DERA: variants seen among roughly 807,000 people sequenced by gnomAD.
DERA encodes the protein 2-deoxy-D-ribose 5-phosphate aldolase.
Under a neutral mutation model 41.1 loss-of-function variants are expected in DERA, and 15 were observed. The observed-to-expected ratio is 0.37, with a 90% CI of 0.24 to 0.56. The LOEUF is 0.56. Among genes scored for constraint, DERA ranks in the 20% least tolerant of loss-of-function variants. The pLI is 0.81. For synonymous variants in DERA, 139 were observed against 137.4 expected (o/e 1.01, Z -0.08); for missense variants, 396 against 403.4 (o/e 0.98, Z 0.16).
intron 7 of DERA, 168 bp downstream of exon 7, chr12:16,032,822 A>C (rs958983689): frequency 6.9e-6 from 4 of 577,612 alleles, no homozygotes; most frequent in Admixed American, 3.3e-5. Flanking sequence ...TGATGGAGAA[A>C]AATTGTGATG....
chr12:15,968,896 G>A (rs1948641747), intron 5 of DERA, among the ~76,000 whole-genome samples: 1 of 152,064 alleles, frequency 6.6e-6, no homozygotes, highest in South Asian at 2.1e-4. Context: ...CTAAAGATTT[G>A]GGTTTTAGTC....
intron 1 of DERA, among the ~76,000 whole-genome samples, chr12:15,942,614 A>G (rs74649150): frequency 0.013 from 1,939 of 152,290 alleles, 53 homozygotes; most frequent in African/African-American, 0.045. Context: ...TATTGAATAG[A>G]GTAGCCACGA....
In DERA at chr12:16,021,585, G is replaced by A. The variant is rs1016034524; in HGVS notation, c.638-10957G>A. Among the ~76,000 whole-genome samples, 6 of 152,198 alleles carry A rather than the reference G, an allele frequency of 3.9e-5. No homozygotes were observed. The highest frequency in any genetic ancestry group is 1.4e-4 in the African/African-American group (6 of 41,446). On this transcript the variant is annotated intron_variant, in intron 6 of 8. Coordinates refer to ENST00000428559, the MANE Select transcript of DERA (RefSeq NM_015954.4). This position sits in a 1 kb window ranked among gnomAD's most constrained non-coding sequence, Gnocchi z 5.3. ...TGGGGCTGCCACTCTCCAGACCCCA[G>A]AATGGTAGAGCCACCAGCAGTTTGC...
intron 1 of DERA, among the ~76,000 whole-genome samples, chr12:15,929,297 T>C (rs995928502): frequency 6.6e-6 from 1 of 152,210 alleles, no homozygotes; most frequent in Non-Finnish European, 1.5e-5. Context: ...TCAAAACCTG[T>C]GTCACTTCTT....
chr12:15,957,028 T>A lies in DERA; in HGVS notation c.124T>A (p.Trp42Arg), dbSNP rs761047506. The A allele has an allele frequency of 2.6e-5, 42 of 1,612,996 alleles. No individual in the cohort carries two copies. Among genetic ancestry groups the A allele is most frequent in the Admixed American group, 5.0e-5 (3 of 59,934 alleles). ...GGCTCGCAGAACCGTGAAAAAGGAG[T>A]GGCAGGTAAGGGTTCTTCTTGAGCA... ...IQARRTVKKE[W>R]QAAWLLKAVT... is the part of the protein sequence containing the mutation. Residue 42 changes from tryptophan to arginine, a missense_variant, in exon 2 of 9, where the codon TGG becomes AGG. Physicochemically the swap from Trp to Arg is moderately radical, Grantham distance 101. Transcript: ENST00000428559. This position sits in a 1 kb window ranked among gnomAD's most constrained non-coding sequence, Gnocchi z 4.8.
At chr12:16,016,683 G>T (rs995295510) in intron 6 of DERA, among the ~76,000 whole-genome samples, 2 of 150,656 alleles carry the variant, frequency 1.3e-5, no homozygotes, top group Non-Finnish European at 3.0e-5. Flanking sequence ...TCCCAGCTAC[G>T]TGGAGGGCTG....
rs1948899664 is a variant in DERA at position 16,004,966 on chromosome 12, A to G, written c.637+22530A>G. On this transcript the variant is annotated intron_variant, in intron 6 of 8. Transcript: ENST00000428559. This position sits in a 1 kb window ranked among gnomAD's most constrained non-coding sequence, Gnocchi z 4.2. The stretch of plus-strand genomic sequence containing the variant: ...GAATAACTAGATAAAGAAGAAACAG[A>G]GCAACTGAGGATTTGGTTTTATGCC... Among the ~76,000 whole-genome samples, 1 of 152,234 alleles carries G rather than the reference A, an allele frequency of 6.6e-6. No individual in the cohort carries two copies. Among genetic ancestry groups the G allele is most frequent in the Admixed American group, 6.5e-5 (1 of 15,286 alleles).
chr12:15,939,766 T>C (rs1948396153), intron 1 of DERA, among the ~76,000 whole-genome samples: 1 of 152,154 alleles, frequency 6.6e-6, no homozygotes, highest in South Asian at 2.1e-4. Context: ...AAGAATCAGA[T>C]GTTTCTAGTA....
At chr12:15,912,359 C>A (rs1948170985) in intron 1 of DERA, among the ~76,000 whole-genome samples, 1 of 152,064 alleles carries the variant, frequency 6.6e-6, no homozygotes, top group Non-Finnish European at 1.5e-5. Context: ...AACAGGATCC[C>A]AAGGCAGAAG....
At chr12:15,977,442 A>C (rs1055858733) in intron 5 of DERA, among the ~76,000 whole-genome samples, 27 of 152,122 alleles carry the variant, frequency 1.8e-4, no homozygotes, top group African/African-American at 6.5e-4. Context: ...TTATCTCTCC[A>C]CATCTCACTT....
At chr12:15,949,306 AC>A in intron 1 of DERA, among the ~76,000 whole-genome samples, 1 of 152,280 alleles carries the variant, frequency 6.6e-6, no homozygotes, top group Non-Finnish European at 1.5e-5. Context: ...AGTGGAGTCT[AC>A]AGAGGCAGGC....
Position 15,962,948 on chromosome 12 carries a change from G to GT in DERA, c.508+2dup. On this transcript the variant is annotated splice_donor_variant, in intron 5 of 8. Coordinates refer to ENST00000428559, the MANE Select transcript of DERA (RefSeq NM_015954.4). LOFTEE classifies it high-confidence loss of function. Reference sequence around the variant, plus strand: ...TTGGTGCTGACAGGCCAGTGGGAAGGTAGGTGCATGCTTTTACCTAAGAGA... The same window carrying GT: ...TTGGTGCTGACAGGCCAGTGGGAAGGTTAGGTGCATGCTTTTACCTAAGAGA... 1 of 1,605,374 alleles carries GT rather than the reference G, an allele frequency of 6.2e-7. No homozygotes were observed. Among genetic ancestry groups the GT allele is most frequent in the Non-Finnish European group, 8.5e-7 (1 of 1,175,922 alleles).
At position 15,928,069 on chromosome 12, in the gene DERA, G is replaced by A. The variant is rs1948300642; in HGVS notation, c.31+16655G>A. Among the ~76,000 whole-genome samples, 1 of 152,134 alleles carries A rather than the reference G, an allele frequency of 6.6e-6. No individual in the cohort carries two copies. Among genetic ancestry groups the A allele is most frequent in the Non-Finnish European group, 1.5e-5 (1 of 68,040 alleles). On this transcript the variant is annotated intron_variant, in intron 1 of 8. Transcript: ENST00000428559. This position sits in a 1 kb window ranked among gnomAD's most constrained non-coding sequence, Gnocchi z 4.6. ...GATACAATGTAATATTTTGATACAT[G>A]TATACAATGTGAAATGATTAAATCA...
At position 16,036,938 on chromosome 12, in the gene DERA, T is replaced by C; in HGVS notation, c.*192T>C. 1 of 546,170 alleles carries C rather than the reference T, an allele frequency of 1.8e-6. No individual in the cohort carries two copies. Among genetic ancestry groups the C allele is most frequent in the Non-Finnish European group, 3.2e-6 (1 of 311,392 alleles). The allele number at this position is 546,170 out of a possible 1,614,324, so 33.8% of individuals were successfully genotyped here. On this transcript the variant is annotated 3_prime_UTR_variant, in exon 9 of 9. Transcript: ENST00000428559. The surrounding 1 kb of genome is among the most constrained non-coding windows in gnomAD (Gnocchi z 4.9). ...ATGTGGTACTCATTTCAGGCACATC[T>C]GAAATGATCTTAATTACTAGAAGAT...
chr12:15,914,212 T>C (rs1167730949), intron 1 of DERA, among the ~76,000 whole-genome samples: 2 of 151,856 alleles, frequency 1.3e-5, no homozygotes, highest in South Asian at 2.1e-4. Flanking sequence ...CAAAACCCTA[T>C]CTCTACTAAA....
Position 16,014,694 on chromosome 12 carries a change from T to C in DERA, c.638-17848T>C, listed in dbSNP as rs1948968769. ...CCACTGGGGCACTGCCTAGTGGAGC[T>C]GTGAGAAGAGGGCAACCGTCCTCCA... On this transcript the variant is annotated intron_variant, in intron 6 of 8. Coordinates refer to ENST00000428559, the MANE Select transcript of DERA (RefSeq NM_015954.4). The surrounding 1 kb of genome is among the most constrained non-coding windows in gnomAD (Gnocchi z 5.4). 6.6e-6 allele frequency among the ~76,000 whole-genome samples: 1 copy of C among 152,290 alleles called. No homozygotes were observed. Among genetic ancestry groups the C allele is most frequent in the South Asian group, 2.1e-4 (1 of 4,816 alleles).
chr12:16,023,308 A>G (rs541049477), intron 6 of DERA, among the ~76,000 whole-genome samples: 4 of 152,246 alleles, frequency 2.6e-5, no homozygotes, highest in Admixed American at 6.5e-5. Context: ...TTTGAAGACT[A>G]TGGCAGCTAC....
Position 16,019,548 on chromosome 12 carries a change from C to T in DERA, c.638-12994C>T, listed in dbSNP as rs979644901. Among the ~76,000 whole-genome samples, 1 of 152,166 alleles carries T rather than the reference C, an allele frequency of 6.6e-6. No homozygotes were observed. The highest frequency in any genetic ancestry group is 1.5e-5 in the Non-Finnish European group (1 of 68,042). On this transcript the variant is annotated intron_variant, in intron 6 of 8. Transcript: ENST00000428559. This position sits in a 1 kb window ranked among gnomAD's most constrained non-coding sequence, Gnocchi z 4.4. Reference sequence around the variant, plus strand: ...ATATCTGTGTATATGTCCCTCCTCCCACCTCACCTCCAACACAGACTTCTT... The same window carrying T: ...ATATCTGTGTATATGTCCCTCCTCCTACCTCACCTCCAACACAGACTTCTT...
rs1948887750 is a variant in DERA at position 16,003,236 on chromosome 12, T to C, written c.637+20800T>C. 1.3e-5 allele frequency among the ~76,000 whole-genome samples: 2 copies of C among 152,198 alleles called. No individual in the cohort carries two copies. Among genetic ancestry groups the C allele is most frequent in the South Asian group, 2.1e-4 (1 of 4,824 alleles). On this transcript the variant is annotated intron_variant, in intron 6 of 8. Transcript: ENST00000428559. This position sits in a 1 kb window ranked among gnomAD's most constrained non-coding sequence, Gnocchi z 4.8. ...TATGGTGTTCTTCATGTTGTATGTC[T>C]GTCTCTTCACCTGGTGTTCTTTTTA...
Sources: allele counts gnomAD v4.1 joint callset (sites outside exome capture counted in the v4.1 genomes callset), GRCh38; gene constraint gnomAD v4.1.1; non-coding constraint Gnocchi (gnomAD v3.1); transcripts MANE v1.5; gene names NCBI Gene and HGNC (gene_info 2026-07-23, HGNC 2026-07-21).